Variants in ROBO2 observed in about 807,000 individuals in gnomAD.
ROBO2 encodes the protein roundabout guidance receptor 2.
A neutral mutation model predicts 160.8 loss-of-function variants in ROBO2; 53 were observed. The ratio of observed to expected loss-of-function variants is 0.33; its 90% CI spans 0.26 to 0.41. The LOEUF is 0.41. ROBO2 is among the 10% of genes least tolerant of loss of function. The pLI is 1.00. For missense variants in ROBO2, 1,577 were observed against 1,722.4 expected, an observed-to-expected ratio of 0.92 and a Z score of 1.49; for synonymous variants, 664 against 611.7, an observed-to-expected ratio of 1.09 and a Z score of -1.26.
chr3:77,334,213 C>G (rs2066258684), intron 2 of ROBO2, among the ~76,000 whole-genome samples: 1 of 152,080 alleles, frequency 6.6e-6, no homozygotes, highest in Admixed American at 6.5e-5. Flanking sequence ...AACAGGGTGG[C>G]CAGAGATTTT....
chr3:77,504,007 G>A (rs949385961), intron 5 of ROBO2, among the ~76,000 whole-genome samples: 20 of 152,084 alleles, frequency 1.3e-4, no homozygotes, highest in African/African-American at 4.8e-4. Flanking sequence ...CATTTTTGGG[G>A]GGATCTCTGT....
chr3:77,088,692 G>A (rs1482469213), intron 1 of ROBO2, among the ~76,000 whole-genome samples: 1 of 152,116 alleles, frequency 6.6e-6, no homozygotes, highest in East Asian at 1.9e-4. Flanking sequence ...TAGAAATTTA[G>A]GAATAAATTT....
At chr3:76,470,076 A>G (rs2078576885) in intron 2 of ROBO2, among the ~76,000 whole-genome samples, 1 of 152,126 alleles carries the variant, frequency 6.6e-6, no homozygotes, top group African/African-American at 2.4e-5. Context: ...TGTATGTCTT[A>G]TTATCTCTTA....
At chr3:75,970,285 C>T (rs61556726) in intron 2 of ROBO2, among the ~76,000 whole-genome samples, 2,449 of 151,506 alleles carry the variant, frequency 0.016, 63 homozygotes, top group African/African-American at 0.056. Flanking sequence ...ATATACAGTT[C>T]GCAAGATTAA....
intron 2 of ROBO2, among the ~76,000 whole-genome samples, chr3:76,749,724 T>C (rs1156504339): frequency 6.6e-6 from 1 of 152,122 alleles, no homozygotes; most frequent in African/African-American, 2.4e-5. Context: ...TTTTCTACTA[T>C]GGACAATGAT....
intron 2 of ROBO2, among the ~76,000 whole-genome samples, chr3:77,422,612 C>T (rs2077812142): frequency 6.6e-6 from 1 of 152,108 alleles, no homozygotes; most frequent in Admixed American, 6.5e-5. Flanking sequence ...CATGGATTTA[C>T]AAATGATTAT....
At chr3:76,068,084 CT>C (rs1192758580) in intron 2 of ROBO2, among the ~76,000 whole-genome samples, 2 of 152,144 alleles carry the variant, frequency 1.3e-5, no homozygotes, top group East Asian at 3.9e-4. Context: ...TCAGGAAAGA[CT>C]TCATTAAGCA....
chr3:77,528,601 C>T (rs2091387152), intron 6 of ROBO2, among the ~76,000 whole-genome samples: 1 of 151,700 alleles, frequency 6.6e-6, no homozygotes, highest in South Asian at 2.1e-4. Flanking sequence ...TCAGTGACCT[C>T]CTCTATAAAA....
chr3:76,918,209 G>A lies in ROBO2; in HGVS notation c.110-179805G>A, dbSNP rs550190139. On this transcript the variant is annotated intron_variant, in intron 2 of 26. Coordinates refer to the ROBO2 transcript ENST00000487694. ...TGTATCAAGGGTGGGACCACGTGCC[G>A]GTCATTGGATCACGGAGGTGGTTTC... is the stretch of plus-strand genomic sequence containing the variant. 4.6e-5 allele frequency among the ~76,000 whole-genome samples: 7 copies of A among 152,284 alleles called. No individual in the cohort carries two copies. In the South Asian group the frequency reaches 6.2e-4, roughly 14 times the overall value.
intron 2 of ROBO2, among the ~76,000 whole-genome samples, chr3:76,950,482 CCAGT>C (rs1297868034): frequency 2.0e-5 from 3 of 152,080 alleles, no homozygotes; most frequent in African/African-American, 4.8e-5. Context: ...TTACTTATTT[CCAGT>C]CAATTATATA....
chr3:76,259,450 C>A (rs1706603012), intron 2 of ROBO2, among the ~76,000 whole-genome samples: 1 of 152,080 alleles, frequency 6.6e-6, no homozygotes, highest in South Asian at 2.1e-4. Flanking sequence ...AATCCAAATA[C>A]TTATTTGGAT....
intron 2 of ROBO2, among the ~76,000 whole-genome samples, chr3:75,975,908 G>A (rs1476193431): frequency 6.6e-6 from 1 of 151,514 alleles, no homozygotes; most frequent in Non-Finnish European, 1.5e-5. Context: ...TATTGGTTGA[G>A]CCTAAGTTGG....
intron 24 of ROBO2, among the ~76,000 whole-genome samples, chr3:77,637,394 A>C (rs945311610): frequency 1.3e-5 from 2 of 152,180 alleles, no homozygotes; most frequent in Non-Finnish European, 2.9e-5. Flanking sequence ...TAAAAAGCCA[A>C]ATATATTGTT....
chr3:76,614,075 T>C (rs2088368860), intron 2 of ROBO2, among the ~76,000 whole-genome samples: 1 of 152,120 alleles, frequency 6.6e-6, no homozygotes, highest in Admixed American at 6.5e-5. Flanking sequence ...CAGATGATCA[T>C]AGATTGTCTT....
Position 76,284,110 on chromosome 3 carries a change from C to T in ROBO2, c.109+346508C>T, listed in dbSNP as rs946077175. Among the ~76,000 whole-genome samples the T allele has an allele frequency of 9.9e-5, 15 of 152,030 alleles. No homozygotes were observed. In the East Asian group the frequency reaches 2.9e-3, roughly 29 times the overall value. On this transcript the variant is annotated intron_variant, in intron 2 of 26. Coordinates refer to the ROBO2 transcript ENST00000487694. ...TTATTTTTCCATTACTGTATGTTTT[C>T]ACCTTTAAAAAATATAGATGTATAG... is the stretch of plus-strand genomic sequence containing the variant.
intron 2 of ROBO2, among the ~76,000 whole-genome samples, chr3:76,550,767 A>T (rs1325625242): frequency 6.6e-6 from 1 of 152,186 alleles, no homozygotes. Flanking sequence ...TGCTGGCACG[A>T]CCTGGCTGAG....
intron 2 of ROBO2, among the ~76,000 whole-genome samples, chr3:76,840,571 C>T (rs1230824111): frequency 6.7e-6 from 1 of 149,014 alleles, no homozygotes; most frequent in Non-Finnish European, 1.5e-5. Flanking sequence ...GATCGCACCA[C>T]TGCACTCCAG....
intron 2 of ROBO2, among the ~76,000 whole-genome samples, chr3:76,884,083 T>G (rs375797287): frequency 2.6e-5 from 4 of 152,214 alleles, no homozygotes; most frequent in African/African-American, 9.6e-5. Context: ...TAAGCATTAT[T>G]ATGAATCATC....
intron 2 of ROBO2, among the ~76,000 whole-genome samples, chr3:77,351,017 G>C (rs1429945548): frequency 6.6e-6 from 1 of 152,120 alleles, no homozygotes; most frequent in African/African-American, 2.4e-5. Flanking sequence ...TGCTTTGGTG[G>C]TTTCTCCCTT....
Sources: allele counts gnomAD v4.1 joint callset (sites outside exome capture counted in the v4.1 genomes callset), GRCh38; gene constraint gnomAD v4.1.1; transcripts MANE v1.5; gene names NCBI Gene and HGNC (gene_info 2026-07-23, HGNC 2026-07-21).